CRB2: variants seen among roughly 807,000 people sequenced by gnomAD.
CRB2 encodes protein crumbs homolog 2.
Under a neutral mutation model 110.9 loss-of-function variants are expected in CRB2, and 85 were observed. That is an observed-to-expected ratio of 0.77 (90% CI 0.64 to 0.92). The LOEUF is 0.92. Among genes scored for constraint, CRB2 ranks in the 40% least tolerant of loss-of-function variants. The pLI is 0.00. For synonymous variants in CRB2, 907 were observed against 831.0 expected, an observed-to-expected ratio of 1.09 and a Z score of -1.57; for missense variants, 1,843 against 1,851.3, an observed-to-expected ratio of 1.00 and a Z score of 0.08.
intron 4 of CRB2, 100 bp downstream of exon 4, chr9:123,366,466 C>T (rs1400421273): frequency 7.0e-5 from 96 of 1,379,212 alleles, no homozygotes; most frequent in Non-Finnish European, 8.8e-5. Flanking sequence ...CGCGAGTGCC[C>T]GCTGGGTCCT....
Position 123,374,651 on chromosome 9 carries a change from T to G in CRB2, c.3462T>G (p.Ser1154=). 1 of 1,612,886 alleles carries G rather than the reference T, an allele frequency of 6.2e-7. No individual in the cohort carries two copies. Among genetic ancestry groups the G allele is most frequent in the Non-Finnish European group, 8.5e-7 (1 of 1,179,938 alleles). The change falls in exon 11 of 13, where the codon TCT becomes TCG. Residue 1154 remains serine, a synonymous_variant. Transcript: ENST00000373631. ...ATGGCAGCCCATGTGAGGGTGGCTC[T>G]CCCGCTGCCAACTGCAGCTGCCTGG... ...CLDGSPCEGG[S]PAANCSCLEG... is the part of the protein sequence containing the mutation.
intron 12 of CRB2, among the ~76,000 whole-genome samples, chr9:123,376,465 T>C (rs1282922416): frequency 6.6e-6 from 1 of 152,180 alleles, no homozygotes; most frequent in Non-Finnish European, 1.5e-5. Context: ...CAGTGGATTC[T>C]GACCTTGCTA....
At chr9:123,363,485 A>G (rs1256895703) in intron 2 of CRB2, among the ~76,000 whole-genome samples, 1 of 152,080 alleles carries the variant, frequency 6.6e-6, no homozygotes, top group East Asian at 1.9e-4. Context: ...CCCCTCATTC[A>G]TCTCTGGCAG....
Position 123,373,279 on chromosome 9 carries a change from C to G in CRB2, c.2748C>G (p.Ala916=). ...EAWLLRAAAG[A]LEGVWLAVRN... ...GGCTGCTGCGTGCCGCGGCGGGCGC[C>G]CTGGAAGGCGTGTGGCTGGCGGTGC... is the stretch of plus-strand genomic sequence containing the variant. The change falls in exon 10 of 13, where the codon GCC becomes GCG. Residue 916 remains alanine, a synonymous_variant. Transcript: ENST00000373631. 6.7e-7 allele frequency: 1 copy of G among 1,481,926 alleles called. No individual in the cohort carries two copies. Among genetic ancestry groups the G allele is most frequent in the South Asian group, 1.3e-5 (1 of 77,800 alleles). 91.8% of individuals were successfully genotyped at this position (1,481,926 alleles called of 1,614,324 possible). A position where few individuals can be genotyped will look rare whatever the true frequency, so the allele number is the denominator to read the frequency against.
At chr9:123,361,235 T>C (rs2132739087) in intron 1 of CRB2, among the ~76,000 whole-genome samples, 1 of 152,186 alleles carries the variant, frequency 6.6e-6, no homozygotes, top group African/African-American at 2.4e-5. Flanking sequence ...CGGGGCCCTT[T>C]ACCATGGGTT....
In CRB2 at chr9:123,373,665, C is replaced by T. The variant is rs2042054864; in HGVS notation, c.3134C>T (p.Pro1045Leu). 6.9e-7 allele frequency: 1 copy of T among 1,440,322 alleles called. No homozygotes were observed. Among genetic ancestry groups the T allele is most frequent in the Middle Eastern group, 1.8e-4 (1 of 5,664 alleles). 89.2% of individuals were successfully genotyped at this position (1,440,322 alleles called of 1,614,324 possible). A position where few individuals can be genotyped will look rare whatever the true frequency, so the allele number is the denominator to read the frequency against. ...PGAREHFASW[P>L]GTPAPILGCR... ...GCCCGAGAGCACTTCGCGTCTTGGCCTGGGACGCCGGCCCCGATCCTCGGC... is the reference window on the plus strand; with the variant it reads ...GCCCGAGAGCACTTCGCGTCTTGGCTTGGGACGCCGGCCCCGATCCTCGGC... The change falls in exon 10 of 13, where the codon CCT becomes CTT. Residue 1045 changes from proline (P) to leucine (L), a missense_variant. By Grantham distance (98) the Pro-to-Leu change is moderately conservative. Coordinates refer to ENST00000373631, the MANE Select transcript of CRB2 (RefSeq NM_173689.7).
intron 1 of CRB2, among the ~76,000 whole-genome samples, chr9:123,358,681 C>A (rs2041827186): frequency 6.6e-6 from 1 of 152,164 alleles, no homozygotes; most frequent in African/African-American, 2.4e-5. Context: ...TAAACGAGGC[C>A]CAGAGATGGC....
intron 1 of CRB2, among the ~76,000 whole-genome samples, chr9:123,358,777 C>G (rs1047634718): frequency 3.3e-5 from 5 of 152,234 alleles, no homozygotes; most frequent in Admixed American, 3.3e-4. Flanking sequence ...CACGTCTCTT[C>G]TCTGTCTCTA....
intron 2 of CRB2, 141 bp from the exon 3 acceptor site, chr9:123,365,776 A>AC (rs1217480853): frequency 1.6e-5 from 7 of 442,688 alleles, no homozygotes; most frequent in African/African-American, 4.7e-5. Context: ...CCCGTCCCCC[A>AC]CCCCCCAACC....
intron 6 of CRB2, among the ~76,000 whole-genome samples, chr9:123,368,330 G>A (rs961798022): frequency 7.9e-5 from 12 of 152,212 alleles, no homozygotes; most frequent in Admixed American, 5.2e-4. Context: ...CCTGAAGATG[G>A]TGGGACTCAG....
rs924217752 is a variant in CRB2, at chr9:123,376,732, C to G, written c.3634-106C>G. 3 of 1,108,176 alleles carry G rather than the reference C, an allele frequency of 2.7e-6. No homozygotes were observed. The African/African-American group carries it at 4.7e-5, about 17-fold the overall frequency. 68.6% of individuals were successfully genotyped at this position (1,108,176 alleles called of 1,614,324 possible). A position where few individuals can be genotyped will look rare whatever the true frequency, so the allele number is the denominator to read the frequency against. ...CTCCCAGGGCAGCCTGCTCCCAGCTCTGATTTTCTCTGAGTAGGTCCTTGT... is the reference window on the plus strand; with the variant it reads ...CTCCCAGGGCAGCCTGCTCCCAGCTGTGATTTTCTCTGAGTAGGTCCTTGT... On this transcript the variant is annotated intron_variant, in intron 12 of 12. Coordinates refer to ENST00000373631, the MANE Select transcript of CRB2 (RefSeq NM_173689.7).
chr9:123,366,160 C>T, intron 3 of CRB2, 48 bp downstream of exon 3: 8 of 1,377,392 alleles, frequency 5.8e-6, no homozygotes, highest in African/African-American at 1.5e-5. Flanking sequence ...TGCCCGAGGG[C>T]GGGGAGGCCA....
chr9:123,357,551 CAG>C (rs1172165271), intron 1 of CRB2, among the ~76,000 whole-genome samples: 2 of 151,466 alleles, frequency 1.3e-5, no homozygotes, highest in Non-Finnish European at 2.9e-5. Context: ...AACCAAGGCT[CAG>C]AGAGGGACGG....
downstream of CRB2, among the ~76,000 whole-genome samples, chr9:123,379,461 G>C (rs559077494): frequency 6.6e-6 from 1 of 152,342 alleles, no homozygotes; most frequent in East Asian, 1.9e-4. Flanking sequence ...CCCGTGCCTG[G>C]TCTGTGAGGG....
At chr9:123,361,670 G>C (rs1337846830) in intron 1 of CRB2, among the ~76,000 whole-genome samples, 1 of 152,170 alleles carries the variant, frequency 6.6e-6, no homozygotes. Flanking sequence ...ATCCCTTACC[G>C]AGTTGTTACC....
downstream of CRB2, chr9:123,380,116 G>C (rs570971348): frequency 1.3e-5 from 2 of 152,354 alleles, no homozygotes; most frequent in South Asian, 4.1e-4. Flanking sequence ...TTGTCCCCCA[G>C]ACACCCCTGG....
In CRB2 at chr9:123,373,202, C is replaced by A. The variant is rs372324248; in HGVS notation, c.2671C>A (p.Arg891Ser). The A allele has an allele frequency of 1.3e-6, 2 of 1,512,896 alleles. No individual in the cohort carries two copies. Among genetic ancestry groups the A allele is most frequent in the South Asian group, 1.2e-5 (1 of 82,426 alleles). 93.7% of individuals were successfully genotyped at this position (1,512,896 alleles called of 1,614,324 possible). A position where few individuals can be genotyped will look rare whatever the true frequency, so the allele number is the denominator to read the frequency against. ...CAGCGGGCACAACGCGTCGTCAGGG[C>A]GCTTGCTCGGCGGCCTGTCGCTGGC... is the stretch of plus-strand genomic sequence containing the variant. ...AFSGHNASSG[R>S]LLGGLSLAFR... Residue 891 changes from arginine to serine, a missense_variant, in exon 10 of 13, where the codon CGC becomes AGC. By Grantham distance (110) the Arg-to-Ser change is moderately radical (BLOSUM62 -1). Transcript: ENST00000373631.
chr9:123,371,396 C>T lies in CRB2; in HGVS notation c.2254C>T (p.Leu752Phe), dbSNP rs758439604. 1.2e-6 allele frequency: 2 copies of T among 1,608,780 alleles called. No individual in the cohort carries two copies. Among genetic ancestry groups the T allele is most frequent in the Admixed American group, 1.7e-5 (1 of 59,836 alleles). ...GQHVHVGGRL[L>F]AADSQPWGGP... Reference sequence around the variant, plus strand: ...GCACGTGCACGTGGGTGGGAGGCTCCTTGCTGCCGACAGCCAGCCCTGGGG... The same window carrying T: ...GCACGTGCACGTGGGTGGGAGGCTCTTTGCTGCCGACAGCCAGCCCTGGGG... The change falls in exon 8 of 13, where the codon CTT becomes TTT. Residue 752 changes from leucine (L) to phenylalanine (F), a missense_variant. By Grantham distance (22) the Leu-to-Phe change is conservative (BLOSUM62 0). Coordinates refer to ENST00000373631, the MANE Select transcript of CRB2 (RefSeq NM_173689.7).
At chr9:123,366,846 G>T (rs561669763) in intron 4 of CRB2, among the ~76,000 whole-genome samples, 1 of 151,370 alleles carries the variant, frequency 6.6e-6, no homozygotes, top group East Asian at 2.0e-4. Context: ...AGCTACTCAG[G>T]AAGCTGAGGC....
Sources: gnomAD v4.1 joint callset for allele counts (sites outside exome capture counted in the v4.1 genomes callset) on GRCh38, gnomAD v4.1.1 for gene constraint, MANE v1.5 for transcripts, NCBI Gene and HGNC (gene_info 2026-07-23, HGNC 2026-07-21) for gene names.